The following XPO1 variants were observed in gnomAD, a reference collection of about 807,000 sequenced individuals.
XPO1 encodes exportin-1.
In XPO1, 5 loss-of-function variants were observed where a neutral mutation model predicts 133.3. The observed-to-expected ratio is 0.04, with a 90% CI of 0.02 to 0.08. The LOEUF is 0.08. Ranked by LOEUF, XPO1 falls within the 10% of genes least tolerant of loss-of-function variation. The pLI is 1.00. For missense variants in XPO1, 506 were observed against 1,267.5 expected (o/e 0.40, Z 9.12); for synonymous variants, 419 against 408.2 (o/e 1.03, Z -0.32).
At chr2:61,491,453 A>AAAAC (rs1456759488) in intron 16 of XPO1, among the ~76,000 whole-genome samples, 1 of 101,790 alleles carries the variant, frequency 9.8e-6, no homozygotes, top group South Asian at 3.2e-4. Flanking sequence ...TCCATCTCAA[A>AAAAC]AAACAAACAC....
chr2:61,531,300 A>G (rs748440921), intron 2 of XPO1, among the ~76,000 whole-genome samples: 5 of 152,246 alleles, frequency 3.3e-5, no homozygotes, highest in African/African-American at 7.2e-5. Context: ...CACATGATCT[A>G]TTAACTACTG....
chr2:61,502,331 A>G, intron 4 of XPO1, 21 bp from the exon 5 acceptor site: 1 of 1,604,304 alleles, frequency 6.2e-7, no homozygotes, highest in Non-Finnish European at 8.5e-7. Flanking sequence ...AATTGCACGT[A>G]ATAAAAAAAT....
At position 61,483,111 on chromosome 2, in the gene XPO1, A is replaced by G. The variant is rs570910337; in HGVS notation, c.2678-20T>C. ...GTAAGCCTAAAAGACATAGAATACC[A>G]ATGGAAAGTTACTACAGACTGACAG... On this transcript the variant is annotated intron_variant, in intron 21 of 24. Coordinates refer to ENST00000401558, the MANE Select transcript of XPO1 (RefSeq NM_003400.4). The G allele has an allele frequency of 1.2e-6, 2 of 1,600,790 alleles. No homozygotes were observed.
At chr2:61,498,074 GAT>G (rs536968006) in intron 9 of XPO1, among the ~76,000 whole-genome samples, 62 of 152,322 alleles carry the variant, frequency 4.1e-4, no homozygotes, top group African/African-American at 1.4e-3. Context: ...TGGTAACAGT[GAT>G]TATCTCTGGA....
chr2:61,486,888 T>TC (rs1460711855), intron 19 of XPO1, among the ~76,000 whole-genome samples: 2 of 152,114 alleles, frequency 1.3e-5, no homozygotes, highest in Non-Finnish European at 2.9e-5. Context: ...TGCCTTACCC[T>TC]CCCTGGTGGT....
intron 4 of XPO1, among the ~76,000 whole-genome samples, chr2:61,520,606 A>G (rs1698642479): frequency 6.6e-6 from 1 of 152,200 alleles, no homozygotes; most frequent in Non-Finnish European, 1.5e-5. Flanking sequence ...GATGGTGCCA[A>G]TGCACTCCAG....
intron 4 of XPO1, among the ~76,000 whole-genome samples, chr2:61,508,641 A>G (rs1307836293): frequency 6.6e-6 from 1 of 152,220 alleles, no homozygotes; most frequent in African/African-American, 2.4e-5. Flanking sequence ...TGGATACTCA[A>G]TGATAGCGTA....
At chr2:61,522,042 G>C (rs978717274) in intron 4 of XPO1, among the ~76,000 whole-genome samples, 9 of 152,064 alleles carry the variant, frequency 5.9e-5, no homozygotes, top group African/African-American at 1.9e-4. Context: ...ACAGGCTTGA[G>C]CCACTGTGCC....
intron 2 of XPO1, among the ~76,000 whole-genome samples, chr2:61,532,519 T>C (rs2104833833): frequency 6.6e-6 from 1 of 152,022 alleles, no homozygotes; most frequent in South Asian, 2.1e-4. Flanking sequence ...ACCAGAAATC[T>C]ACTGTTCTGG....
intron 20 of XPO1, chr2:61,485,482 C>CT (rs1330563380): frequency 6.2e-6 from 1 of 162,146 alleles, no homozygotes; most frequent in African/African-American, 2.7e-5. Flanking sequence ...GACCCCCCCC[C>CT]CCACTTCAGC....
At chr2:61,534,043 GAT>G (rs1699265876) in intron 1 of XPO1, 140 bp from the exon 2 acceptor site, 6 of 797,246 alleles carry the variant, frequency 7.5e-6, no homozygotes, top group Non-Finnish European at 6.9e-6. Context: ...AGAAAACTGA[GAT>G]AGTAAAAGCA....
intron 2 of XPO1, among the ~76,000 whole-genome samples, chr2:61,528,570 T>C (rs75394237): frequency 1.3e-5 from 2 of 150,560 alleles, no homozygotes; most frequent in South Asian, 4.2e-4. Context: ...GAGCGGAGGT[T>C]GCAGTGAGCC....
chr2:61,481,387 TA>T (rs1313980968), intron 23 of XPO1, 106 bp from the exon 24 acceptor site: 1 of 598,696 alleles, frequency 1.7e-6, no homozygotes, highest in Non-Finnish European at 2.6e-6. Flanking sequence ...CTGCTCACTG[TA>T]ATCTCTGCCT....
chr2:61,505,722 C>CTT (rs1328158076), intron 4 of XPO1, among the ~76,000 whole-genome samples: 9 of 151,908 alleles, frequency 5.9e-5, no homozygotes, highest in Non-Finnish European at 1.3e-4. Flanking sequence ...CCGCACCTGG[C>CTT]TTTTTTTTGT....
chr2:61,495,705 C>CA, intron 10 of XPO1, 92 bp from the exon 11 acceptor site: 1 of 1,304,984 alleles, frequency 7.7e-7, no homozygotes, highest in Non-Finnish European at 1.0e-6. Context: ...GACAAGGTAT[C>CA]ACTCTGTCCA....
chr2:61,499,039 T>C (rs1573146574), intron 7 of XPO1, 126 bp from the exon 8 acceptor site: 1 of 1,084,994 alleles, frequency 9.2e-7, no homozygotes, highest in East Asian at 2.6e-5. Flanking sequence ...CGCAGAACTT[T>C]GGGAGGCCAT....
At chr2:61,520,941 C>T (rs1205242031) in intron 4 of XPO1, among the ~76,000 whole-genome samples, 1 of 152,090 alleles carries the variant, frequency 6.6e-6, no homozygotes, top group Non-Finnish European at 1.5e-5. Context: ...AGTAAAGAAA[C>T]AAGGAATGAC....
chr2:61,484,145 C>T (rs754642273), intron 20 of XPO1, 40 bp from the exon 21 acceptor site: 8 of 1,553,570 alleles, frequency 5.1e-6, no homozygotes, highest in Non-Finnish European at 6.2e-6. Context: ...GTTTCAGTGT[C>T]TTTGTTGTGC....
chr2:61,532,458 A>G (rs887081525), intron 2 of XPO1, among the ~76,000 whole-genome samples: 2 of 152,094 alleles, frequency 1.3e-5, no homozygotes, highest in Admixed American at 1.3e-4. Flanking sequence ...GCAAATATAA[A>G]TATCTTGACA....
Sources: gnomAD v4.1 joint callset for allele counts (sites outside exome capture counted in the v4.1 genomes callset) on GRCh38, gnomAD v4.1.1 for gene constraint, MANE v1.5 for transcripts, NCBI Gene and HGNC (gene_info 2026-07-23, HGNC 2026-07-21) for gene names.